The following PAWR variants were observed in gnomAD, a reference collection of about 807,000 sequenced individuals.
PAWR encodes the protein pro-apoptotic WT1 regulator.
In PAWR, 23 loss-of-function variants were observed where a neutral mutation model predicts 32.0. That is an observed-to-expected ratio of 0.72 (90% CI 0.52 to 1.02). The LOEUF is 1.02. Ranked by LOEUF, PAWR falls within the 50% of genes least tolerant of loss-of-function variation. The pLI is 0.00. For synonymous variants in PAWR, 226 were observed against 187.1 expected, an observed-to-expected ratio of 1.21 and a Z score of -1.70; for missense variants, 457 against 437.7, an observed-to-expected ratio of 1.04 and a Z score of -0.39.
chr12:79,677,711 G>A (rs1415335043), intron 2 of PAWR, among the ~76,000 whole-genome samples: 4 of 152,168 alleles, frequency 2.6e-5, no homozygotes, highest in Non-Finnish European at 5.9e-5. Context: ...AAGGAGGGAA[G>A]TATGGAGGGA....
rs755673919 is a variant in PAWR at position 79,592,649 on chromosome 12, T to C, written c.981A>G (p.Glu327=). Residue 327 remains glutamate (E), a synonymous_variant, in exon 7 of 7, where the codon GAA becomes GAG. Coordinates refer to ENST00000328827, the MANE Select transcript of PAWR (RefSeq NM_002583.4). ...CCACAACTTTCAAAAGAGTTTTATT[T>C]TCCTGCTTTAGCTGTTCATTTTCAT... ...IEDENEQLKQ[E]NKTLLKVVGQ... 10 of 769,912 alleles carry C rather than the reference T, an allele frequency of 1.3e-5. No homozygotes were observed. Among genetic ancestry groups the C allele is most frequent in the Non-Finnish European group, 2.2e-5 (9 of 416,010 alleles). 47.7% of individuals were successfully genotyped at this position (769,912 alleles called of 1,614,324 possible).
At chr12:79,662,718 T>C (rs899409881) in intron 2 of PAWR, among the ~76,000 whole-genome samples, 26 of 152,130 alleles carry the variant, frequency 1.7e-4, no homozygotes, top group Admixed American at 6.5e-5. Flanking sequence ...TCACATAAAG[T>C]CCATTTACAC....
At chr12:79,689,656 C>T (rs1424059233) in intron 2 of PAWR, 73 bp downstream of exon 2, 5 of 1,491,540 alleles carry the variant, frequency 3.4e-6, no homozygotes, top group Non-Finnish European at 4.5e-6. Flanking sequence ...CCCCGGGTAG[C>T]TCCCAGGAGG....
At position 79,689,979 on chromosome 12, in the gene PAWR, A is replaced by C; in HGVS notation, c.266T>G (p.Val89Gly). The C allele has an allele frequency of 7.5e-7, 1 of 1,338,704 alleles. No individual in the cohort carries two copies. Among genetic ancestry groups the C allele is most frequent in the Non-Finnish European group, 9.5e-7 (1 of 1,051,776 alleles). 82.9% of individuals were successfully genotyped at this position (1,338,704 alleles called of 1,614,324 possible). A position where few individuals can be genotyped will look rare whatever the true frequency, so the allele number is the denominator to read the frequency against. Residue 89 changes from valine to glycine, a missense_variant, in exon 2 of 7, where the codon GTG becomes GGG. Transcript: ENST00000328827. ...AAPAVPGPGG[V>G]NCAVGSAMLT... ...CATGGCGGAGCCGACCGCGCAGTTCACGCCCCCGGGACCGGGGACGGCAGG... is the reference window on the plus strand; with the variant it reads ...CATGGCGGAGCCGACCGCGCAGTTCCCGCCCCCGGGACCGGGGACGGCAGG...
At chr12:79,686,739 A>G (rs1224913741) in intron 2 of PAWR, among the ~76,000 whole-genome samples, 1 of 152,212 alleles carries the variant, frequency 6.6e-6, no homozygotes, top group Admixed American at 6.5e-5. Context: ...TTTAAGACTC[A>G]GGTCAAGATT....
At chr12:79,684,659 A>G (rs1188238702) in intron 2 of PAWR, among the ~76,000 whole-genome samples, 3 of 152,080 alleles carry the variant, frequency 2.0e-5, no homozygotes, top group African/African-American at 7.2e-5. Flanking sequence ...AAAATAGTAT[A>G]AACAGGCCAC....
At chr12:79,672,094 C>T (rs1048615951) in intron 2 of PAWR, among the ~76,000 whole-genome samples, 3 of 152,100 alleles carry the variant, frequency 2.0e-5, no homozygotes, top group African/African-American at 7.2e-5. Flanking sequence ...ATATTCCATA[C>T]GCAATCCCGT....
chr12:79,593,765 C>G (rs1393852355), intron 6 of PAWR, among the ~76,000 whole-genome samples: 3 of 145,146 alleles, frequency 2.1e-5, no homozygotes, highest in Non-Finnish European at 4.5e-5. Context: ...TGCAGCAGCG[C>G]AATCTTGGCT....
At position 79,690,048 on chromosome 12, in the gene PAWR, G is replaced by C; in HGVS notation, c.197C>G (p.Ala66Gly). 1 of 1,358,372 alleles carries C rather than the reference G, an allele frequency of 7.4e-7. No individual in the cohort carries two copies. Among genetic ancestry groups the C allele is most frequent in the Non-Finnish European group, 9.4e-7 (1 of 1,065,286 alleles). 84.1% of individuals were successfully genotyped at this position (1,358,372 alleles called of 1,614,324 possible). A position where few individuals can be genotyped will look rare whatever the true frequency, so the allele number is the denominator to read the frequency against. The change falls in exon 2 of 7, where the codon GCC becomes GGC. Residue 66 changes from alanine (A) to glycine (G), a missense_variant. Coordinates refer to ENST00000328827, the MANE Select transcript of PAWR (RefSeq NM_002583.4). ...GALGTPAAAA[A>G]NELNNNLPGG... ...CGGGAGGTTGTTGTTGAGCTCGTTGGCAGCGGCGGCCGCCGGGGTGCCCAG... is the reference window on the plus strand; with the variant it reads ...CGGGAGGTTGTTGTTGAGCTCGTTGCCAGCGGCGGCCGCCGGGGTGCCCAG...
At chr12:79,653,790 T>G (rs553666905) in intron 2 of PAWR, among the ~76,000 whole-genome samples, 102 of 152,374 alleles carry the variant, frequency 6.7e-4, no homozygotes, top group Middle Eastern at 3.4e-3. Flanking sequence ...CAGTGCTTAT[T>G]TTTTAAGAAT....
chr12:79,613,930 A>T (rs760630271), intron 3 of PAWR, among the ~76,000 whole-genome samples: 1 of 69,682 alleles, frequency 1.4e-5, no homozygotes, highest in Non-Finnish European at 2.8e-5. Flanking sequence ...AAGTACCACC[A>T]TTATATATAT....
At chr12:79,598,909 G>C (rs530119501) in intron 4 of PAWR, among the ~76,000 whole-genome samples, 1 of 152,190 alleles carries the variant, frequency 6.6e-6, no homozygotes, top group African/African-American at 2.4e-5. Context: ...GCTAATTTTT[G>C]TATTTTTAGT....
At chr12:79,687,727 C>T (rs1436889112) in intron 2 of PAWR, among the ~76,000 whole-genome samples, 2 of 152,014 alleles carry the variant, frequency 1.3e-5, no homozygotes, top group Admixed American at 1.3e-4. Flanking sequence ...AAAAAAGCAA[C>T]AATATAAACA....
chr12:79,640,700 T>A (rs1876280077), intron 2 of PAWR, among the ~76,000 whole-genome samples: 1 of 152,130 alleles, frequency 6.6e-6, no homozygotes, highest in Non-Finnish European at 1.5e-5. Flanking sequence ...TGAGCCGTGA[T>A]CATGCCACTG....
chr12:79,688,216 T>C (rs988001579), intron 2 of PAWR, among the ~76,000 whole-genome samples: 4 of 148,776 alleles, frequency 2.7e-5, no homozygotes, highest in African/African-American at 9.9e-5. Flanking sequence ...CCAGTAAACA[T>C]TACCCTTGTT....
intron 2 of PAWR, among the ~76,000 whole-genome samples, chr12:79,621,912 T>C (rs1036003029): frequency 6.6e-6 from 1 of 152,188 alleles, no homozygotes; most frequent in African/African-American, 2.4e-5. Flanking sequence ...ATACACATCA[T>C]GGGCTGGGTT....
At chr12:79,635,706 T>A (rs993171322) in intron 2 of PAWR, 6 of 152,172 alleles carry the variant, frequency 3.9e-5, no homozygotes. Flanking sequence ...TGTAAAACTA[T>A]TCATATTTGT....
At chr12:79,594,700 C>CGTGTGTGTGTGTGTGT (rs34121968) in intron 5 of PAWR, among the ~76,000 whole-genome samples, 59 of 148,580 alleles carry the variant, frequency 4.0e-4, no homozygotes, top group African/African-American at 1.3e-3. Context: ...GATTTAACCT[C>CGTGTGTGTGTGTGTGT]GTGTGTGTGT....
At chr12:79,598,139 C>T (rs1392347302) in intron 4 of PAWR, among the ~76,000 whole-genome samples, 2 of 152,182 alleles carry the variant, frequency 1.3e-5, no homozygotes, top group African/African-American at 2.4e-5. Context: ...CATACTATCA[C>T]ACTGACCTTA....
Sources: allele counts gnomAD v4.1 joint callset (sites outside exome capture counted in the v4.1 genomes callset), GRCh38; gene constraint gnomAD v4.1.1; transcripts MANE v1.5; gene names NCBI Gene and HGNC (gene_info 2026-07-23, HGNC 2026-07-21).